Variants in DYNC2I1 observed in about 807,000 individuals in gnomAD.
DYNC2I1 encodes cytoplasmic dynein 2 intermediate chain 1.
A neutral mutation model predicts 133.4 loss-of-function variants in DYNC2I1; 89 were observed. That is an observed-to-expected ratio of 0.67 (90% CI 0.56 to 0.80). DYNC2I1 has a LOEUF of 0.80. Ranked by LOEUF, DYNC2I1 falls within the 30% of genes least tolerant of loss-of-function variation. The pLI, the probability that DYNC2I1 is intolerant of heterozygous loss-of-function variation, is 0.00. For synonymous variants in DYNC2I1, 504 were observed against 484.3 expected (o/e 1.04, Z -0.54); for missense variants, 1,291 against 1,314.5 (o/e 0.98, Z 0.28).
intron 8 of DYNC2I1, among the ~76,000 whole-genome samples, chr7:158,892,070 G>A (rs990637350): frequency 6.6e-6 from 1 of 152,166 alleles, no homozygotes; most frequent in Non-Finnish European, 1.5e-5. Flanking sequence ...TGTGGTTCTA[G>A]CTCTGCACAG....
intron 8 of DYNC2I1, among the ~76,000 whole-genome samples, chr7:158,895,547 G>C (rs1845684138): frequency 6.6e-6 from 1 of 152,172 alleles, no homozygotes; most frequent in Admixed American, 6.5e-5. Flanking sequence ...CTATAGCTTT[G>C]TAGTGGGTCT....
At chr7:158,847,957 T>C in the DYNC2I1 span, among the ~76,000 whole-genome samples, 1 of 152,230 alleles carries the variant, frequency 6.6e-6, no homozygotes, top group Non-Finnish European at 1.5e-5. Flanking sequence ...TTATAATAGA[T>C]TGTAAAAATA....
At chr7:158,870,366 T>C (rs1157604088) in intron 2 of DYNC2I1, among the ~76,000 whole-genome samples, 2 of 152,086 alleles carry the variant, frequency 1.3e-5, no homozygotes, top group Admixed American at 1.3e-4. Context: ...TTTACTCTTT[T>C]TTTTAGAGAC....
rs193118454 is a variant in DYNC2I1 at position 158,860,293 on chromosome 7, A to G, written c.15+3543A>G. 5.0e-3 allele frequency among the ~76,000 whole-genome samples: 768 copies of G among 152,192 alleles called. 6 individuals carry two copies. The highest frequency in any genetic ancestry group is 7.9e-3 in the Non-Finnish European group (537 of 68,000). On this transcript the variant is annotated intron_variant, in intron 1 of 24. Coordinates refer to ENST00000407559, the MANE Select transcript of DYNC2I1 (RefSeq NM_018051.5). ...AGGCTGGTCTGGAACTCCTGACCTC[A>G]GGTGATTCACCAGCCTCAGTCTCCC...
chr7:158,923,515 G>A, intron 16 of DYNC2I1, 56 bp from the exon 17 acceptor site: 2 of 1,613,238 alleles, frequency 1.2e-6, no homozygotes, highest in Non-Finnish European at 1.7e-6. Context: ...TGCAGCTTGT[G>A]TTAGCATGCT....
chr7:158,942,014 G>T lies in DYNC2I1; in HGVS notation c.2868G>T (p.Ala956=). Residue 956 remains alanine (A), a synonymous_variant, in exon 24 of 25, where the codon GCG becomes GCT. Coordinates refer to ENST00000407559, the MANE Select transcript of DYNC2I1 (RefSeq NM_018051.5). The part of the protein sequence containing the change: ...LQWDSSTDSH[A]VTGLQWSPTR... ...GGGACAGCAGCACGGACAGCCATGC[G>T]GTCACCGGCCTGCAGTGGTCCCCAA... The T allele has an allele frequency of 1.2e-6, 2 of 1,613,538 alleles. No homozygotes were observed. Among genetic ancestry groups the T allele is most frequent in the Non-Finnish European group, 8.5e-7 (1 of 1,179,824 alleles).
chr7:158,884,759 C>G, intron 6 of DYNC2I1, 140 bp downstream of exon 6: 1 of 726,672 alleles, frequency 1.4e-6, no homozygotes, highest in Non-Finnish European at 2.0e-6. Context: ...TAGATTTTAC[C>G]CCTTAGCCCC....
At chr7:158,875,863 A>G (rs1230382743) in intron 3 of DYNC2I1, among the ~76,000 whole-genome samples, 5 of 152,156 alleles carry the variant, frequency 3.3e-5, no homozygotes, top group Non-Finnish European at 7.4e-5. Flanking sequence ...TGTTCAGACT[A>G]AGCCCTGCTT....
intron 5 of DYNC2I1, among the ~76,000 whole-genome samples, chr7:158,882,521 T>G (rs191311238): frequency 1.3e-5 from 2 of 152,114 alleles, no homozygotes; most frequent in Non-Finnish European, 2.9e-5. Flanking sequence ...AGGTCAAGCC[T>G]GCAGTGAGCT....
chr7:158,846,148 A>G, the DYNC2I1 span, among the ~76,000 whole-genome samples: 7 of 152,190 alleles, frequency 4.6e-5, no homozygotes, highest in African/African-American at 1.7e-4. Flanking sequence ...AGTCCCAGCT[A>G]CTTGGGAGGC....
the DYNC2I1 span, among the ~76,000 whole-genome samples, chr7:158,842,129 AGCGATTCTCCT>A: frequency 6.6e-6 from 1 of 152,138 alleles, no homozygotes; most frequent in South Asian, 2.1e-4. Context: ...CCAGGATTCA[AGCGATTCTCCT>A]GCCTCAGCCT....
At chr7:158,888,451 A>G (rs1446411374) in intron 7 of DYNC2I1, among the ~76,000 whole-genome samples, 1 of 151,546 alleles carries the variant, frequency 6.6e-6, no homozygotes, top group African/African-American at 2.4e-5. Flanking sequence ...ATATTTAACA[A>G]TTTTGTGCCA....
At chr7:158,843,583 A>T in the DYNC2I1 span, among the ~76,000 whole-genome samples, 8 of 151,530 alleles carry the variant, frequency 5.3e-5, no homozygotes, top group East Asian at 1.9e-4. Flanking sequence ...TTTTGTAGAG[A>T]TGAGGTTTTG....
At position 158,923,584 on chromosome 7, in the gene DYNC2I1, G is replaced by C; in HGVS notation, c.2108G>C (p.Cys703Ser). The change falls in exon 17 of 25, where the codon TGC becomes TCC. Residue 703 changes from cysteine (C) to serine (S), a missense_variant. By Grantham distance (112) the Cys-to-Ser change is moderately radical. Transcript: ENST00000407559. ...LICESQVTCC[C>S]LSPLKAFLLF... ...TTTGTCTTTTAGGTCACGTGTTGCT[G>C]CTTGAGCCCTTTGAAAGCATTTTTA... 6.2e-7 allele frequency: 1 copy of C among 1,614,006 alleles called. No homozygotes were observed. Among genetic ancestry groups the C allele is most frequent in the Non-Finnish European group, 8.5e-7 (1 of 1,179,908 alleles).
chr7:158,862,241 CACTG>C (rs1373886247), intron 1 of DYNC2I1, among the ~76,000 whole-genome samples: 2 of 152,170 alleles, frequency 1.3e-5, no homozygotes, highest in African/African-American at 4.8e-5. Context: ...GCCTGGGAAA[CACTG>C]GGAGGCGCTC....
rs1041223845 is a variant in DYNC2I1 at position 158,856,857 on chromosome 7, G to T, written c.15+107G>T. ...CCTCCCTTTGCGCAGCGGTTCTCTC[G>T]GCCGGGCCGGGGCTTCCCGGAGGAG... On this transcript the variant is annotated intron_variant, in intron 1 of 24. Coordinates refer to ENST00000407559, the MANE Select transcript of DYNC2I1 (RefSeq NM_018051.5). 7.6e-6 allele frequency: 9 copies of T among 1,184,878 alleles called. 1 individual carries two copies. The African/African-American group carries it at 1.4e-4, about 19-fold the overall frequency. 73.4% of individuals were successfully genotyped at this position (1,184,878 alleles called of 1,614,324 possible).
chr7:158,895,347 A>G (rs529194437), intron 8 of DYNC2I1, among the ~76,000 whole-genome samples: 69 of 152,332 alleles, frequency 4.5e-4, no homozygotes, highest in African/African-American at 1.6e-3. Flanking sequence ...TGTCTAGATC[A>G]TAGTGTGAAT....
rs1249089772 is a variant in DYNC2I1, at chr7:158,888,064, G to T, written c.990+989G>T. Among the ~76,000 whole-genome samples, 3 of 117,256 alleles carry T rather than the reference G, an allele frequency of 2.6e-5. No homozygotes were observed. In the Admixed American group the frequency reaches 3.5e-4, roughly 14 times the overall value. The allele number at this position is 117,256 out of a possible 152,430, so 76.9% of individuals were successfully genotyped here. On this transcript the variant is annotated intron_variant, in intron 7 of 24. Transcript: ENST00000407559. Reference sequence around the variant, plus strand: ...TTTTTGAGACAGGTCTCACTCTGTTGCCCAGGCTGGAGTGCAGTGGCACGA... The same window carrying T: ...TTTTTGAGACAGGTCTCACTCTGTTTCCCAGGCTGGAGTGCAGTGGCACGA...
At chr7:158,916,552 ACGT>A (rs1299708553) in intron 14 of DYNC2I1, among the ~76,000 whole-genome samples, 1 of 53,420 alleles carries the variant, frequency 1.9e-5, no homozygotes, top group Non-Finnish European at 4.2e-5. Flanking sequence ...TGATTGTGAA[ACGT>A]CGACACGCTG....
Sources: allele counts gnomAD v4.1 joint callset (sites outside exome capture counted in the v4.1 genomes callset), GRCh38; gene constraint gnomAD v4.1.1; transcripts MANE v1.5; gene names NCBI Gene and HGNC (gene_info 2026-07-23, HGNC 2026-07-21).